The following SLC9A6 variants were observed in gnomAD, a reference collection of about 807,000 sequenced individuals.
SLC9A6 encodes solute carrier family 9 member A6.
In SLC9A6, 6 loss-of-function variants were observed where a neutral mutation model predicts 45.3. That is an observed-to-expected ratio of 0.13 (90% confidence interval 0.07 to 0.26). The LOEUF is 0.26. SLC9A6 is among the 10% of genes least tolerant of loss of function. The pLI, the probability that SLC9A6 is intolerant of heterozygous loss-of-function variation, is 1.00. For missense variants in SLC9A6, 278 were observed against 503.7 expected (o/e 0.55, Z 4.29); for synonymous variants, 191 against 187.7 (o/e 1.02, Z -0.14).
intron 7 of SLC9A6, chrX:136,010,171 G>A: frequency 2.7e-6 from 1 of 375,215 alleles, no homozygotes; most frequent in Non-Finnish European, 4.7e-6. Context: ...GTATCTTGGG[G>A]ATGGGGGAAA....
At chrX:136,039,158 G>A (rs146996795) in intron 16 of SLC9A6, among the ~76,000 whole-genome samples, 2,609 of 109,502 alleles carry the variant, frequency 0.024, 33 homozygotes, top group South Asian at 0.12. Flanking sequence ...GGCAGGCTCA[G>A]TTCAAGACCA....
At chrX:136,010,638 C>A in intron 8 of SLC9A6, 55 bp downstream of exon 8, 1 of 1,061,610 alleles carries the variant, frequency 9.4e-7, no homozygotes, top group Non-Finnish European at 1.3e-6. Flanking sequence ...TAGTTGAATG[C>A]TGTATTCCGT....
chrX:136,007,406 A>G (rs1172707165), intron 7 of SLC9A6, among the ~76,000 whole-genome samples: 1 of 111,487 alleles, frequency 9.0e-6, no homozygotes, highest in East Asian at 2.8e-4. Context: ...ACAAATATCA[A>G]TAATGCTGTG....
intron 15 of SLC9A6, 199 bp from the exon 16 acceptor site, chrX:136,033,215 G>A: frequency 3.6e-6 from 1 of 277,048 alleles, no homozygotes; most frequent in Non-Finnish European, 6.6e-6. Flanking sequence ...AGCAGCCTGA[G>A]TAATAGAGGT....
intron 3 of SLC9A6, among the ~76,000 whole-genome samples, 191 bp from the exon 4 acceptor site, chrX:135,997,917 A>T (rs1028124857): frequency 8.9e-6 from 1 of 111,861 alleles, no homozygotes; most frequent in Non-Finnish European, 1.9e-5. Flanking sequence ...TGATTGTTCC[A>T]ATGCTATCTC....
At chrX:136,010,691 A>G in intron 8 of SLC9A6, 108 bp downstream of exon 8, 1 of 729,765 alleles carries the variant, frequency 1.4e-6, no homozygotes, top group Non-Finnish European at 2.1e-6. Context: ...TAGAATTATT[A>G]ATCTTATAAC....
intron 3 of SLC9A6, among the ~76,000 whole-genome samples, chrX:135,996,374 C>T (rs1315427765): frequency 9.0e-6 from 1 of 111,275 alleles, no homozygotes; most frequent in Non-Finnish European, 1.9e-5. Context: ...TTTAAAATTT[C>T]ATATGAACTT....
At chrX:136,003,372 T>C (rs1311391889) in intron 7 of SLC9A6, among the ~76,000 whole-genome samples, 1 of 112,569 alleles carries the variant, frequency 8.9e-6, no homozygotes, top group Non-Finnish European at 1.9e-5. Flanking sequence ...AATAGTCTTA[T>C]TTGCCTCTCA....
intron 14 of SLC9A6, 29 bp from the exon 15 acceptor site, chrX:136,030,103 C>A: frequency 8.3e-7 from 1 of 1,207,042 alleles, no homozygotes; most frequent in Non-Finnish European, 1.1e-6. Context: ...GCTTCAAAAT[C>A]TCATTTGCTC....
intron 15 of SLC9A6, 45 bp from the exon 16 acceptor site, chrX:136,033,369 T>A (rs782620093): frequency 1.2e-6 from 1 of 830,987 alleles, no homozygotes; most frequent in Non-Finnish European, 1.8e-6. Flanking sequence ...AAATAAATGT[T>A]CATATCTTTG....
At position 135,998,170 on chromosome X, in the gene SLC9A6, T is replaced by C. The variant is rs2089532043; in HGVS notation, c.432T>C (p.Gly144=). The C allele has an allele frequency of 3.6e-6, 4 of 1,114,505 alleles. No individual in the cohort carries two copies. The highest frequency in any genetic ancestry group is 1.8e-5 in the South Asian group (1 of 54,612). 91.8% of individuals were successfully genotyped at this position (1,114,505 alleles called of 1,213,427 possible). A position where few individuals can be genotyped will look rare whatever the true frequency, so the allele number is the denominator to read the frequency against. Residue 144 remains glycine, a synonymous_variant, in exon 4 of 18, where the codon GGT becomes GGC. Transcript: ENST00000630721. ...TTCCTCCTATCATATTTTATGCAGG[T>C]TATAGCCTGAAAAGGGTAAGTCCTT... ...ILLPPIIFYA[G]YSLKRRHFFR... is the part of the protein sequence containing the mutation.
chrX:136,009,782 G>T (rs782758386), intron 7 of SLC9A6, among the ~76,000 whole-genome samples: 1 of 112,317 alleles, frequency 8.9e-6, no homozygotes, highest in Admixed American at 9.5e-5. Flanking sequence ...GCCTGGTATA[G>T]AGTGACTTTC....
chrX:136,017,500 C>G (rs1385356321), intron 11 of SLC9A6, among the ~76,000 whole-genome samples: 2 of 110,601 alleles, frequency 1.8e-5, no homozygotes, highest in Admixed American at 9.6e-5. Context: ...TAGTGAAAGC[C>G]TCTTGAGAAG....
intron 5 of SLC9A6, 146 bp downstream of exon 5, chrX:135,998,704 T>G (rs1250831901): frequency 3.1e-6 from 2 of 644,633 alleles, no homozygotes; most frequent in Non-Finnish European, 5.0e-6. Context: ...GTTTGAATTT[T>G]CCTTAAGGCC....
chrX:135,974,998 A>C (rs1223268533), intron 1 of SLC9A6: 1 of 223,214 alleles, frequency 4.5e-6, no homozygotes, highest in Non-Finnish European at 8.4e-6. Context: ...TAGACATTTA[A>C]TAGTGAGCTT....
rs782741550 is a variant in SLC9A6, at chrX:136,018,591, T to C, written c.1194+1833T>C. Among the ~76,000 whole-genome samples, 19 of 111,813 alleles carry C rather than the reference T, an allele frequency of 1.7e-4. 1 individual carries two copies. The South Asian group carries it at 7.2e-3, about 42-fold the overall frequency. ...GAAGGGAAGTGAGGAAAGAAGACAT[T>C]GTTTAAGGAAAGAATATAGGGATCT... On this transcript the variant is annotated intron_variant, in intron 11 of 17. Coordinates refer to ENST00000630721, the MANE Select transcript of SLC9A6 (RefSeq NM_001379110.1).
intron 7 of SLC9A6, among the ~76,000 whole-genome samples, chrX:136,007,245 G>C (rs1315503704): frequency 9.1e-6 from 1 of 110,072 alleles, no homozygotes; most frequent in African/African-American, 3.3e-5. Context: ...CACACACACA[G>C]GAGATATTTG....
intron 7 of SLC9A6, 138 bp downstream of exon 7, chrX:136,002,351 C>A: frequency 2.0e-6 from 1 of 491,866 alleles, no homozygotes; most frequent in Non-Finnish European, 3.5e-6. Flanking sequence ...TTGAAGAAAT[C>A]CATATTTTAT....
chrX:135,993,468 A>G (rs1321107859), intron 2 of SLC9A6, among the ~76,000 whole-genome samples: 1 of 112,247 alleles, frequency 8.9e-6, no homozygotes, highest in East Asian at 2.8e-4. Flanking sequence ...TAAAGCCATT[A>G]CTAAACAATT....
Sources: gnomAD v4.1 joint callset for allele counts (sites outside exome capture counted in the v4.1 genomes callset) on GRCh38, gnomAD v4.1.1 for gene constraint, MANE v1.5 for transcripts, NCBI Gene and HGNC (gene_info 2026-07-23, HGNC 2026-07-21) for gene names.